SERINC5: variants seen among roughly 807,000 people sequenced by gnomAD.
The protein encoded by SERINC5 is serine incorporator 5.
In SERINC5, 41 loss-of-function variants were observed where a neutral mutation model predicts 63.1. That is an observed-to-expected ratio of 0.65 (90% CI 0.51 to 0.84). SERINC5 has a LOEUF of 0.84. Among genes scored for constraint, SERINC5 ranks in the 40% least tolerant of loss-of-function variants. The probability of loss-of-function intolerance (pLI) is 0.00; values close to 1 mark genes in which losing one functional copy is unlikely to be tolerated. For missense variants in SERINC5, 523 were observed against 573.0 expected (o/e 0.91, Z 0.89); for synonymous variants, 222 against 215.2 (o/e 1.03, Z -0.28).
intron 1 of SERINC5, among the ~76,000 whole-genome samples, chr5:80,241,801 A>C (rs1316350717): frequency 7.2e-5 from 11 of 152,196 alleles, no homozygotes; most frequent in African/African-American, 4.8e-5. Context: ...AATTACATTA[A>C]ATGTAAATGA....
chr5:80,230,543 G>A (rs1285474977), intron 1 of SERINC5, among the ~76,000 whole-genome samples: 1 of 145,612 alleles, frequency 6.9e-6, no homozygotes, highest in Non-Finnish European at 1.5e-5. Context: ...TTATAACCAT[G>A]TAAAACAAAT....
chr5:80,139,080 A>T lies in SERINC5; in HGVS notation c.*4583T>A, dbSNP rs930103700. The T allele has an allele frequency of 5.1e-6, 5 of 983,902 alleles. No individual in the cohort carries two copies. The African/African-American group carries it at 8.7e-5, about 17-fold the overall frequency. 60.9% of individuals were successfully genotyped at this position (983,902 alleles called of 1,614,324 possible). On this transcript the variant is annotated 3_prime_UTR_variant, in exon 12 of 12. Transcript: ENST00000507668. ...TTCGAATCATATCAGAGACCATTAT[A>T]AATTTCAAACAGTAGATTTACCACA...
At chr5:80,232,257 A>G (rs1257938965) in intron 1 of SERINC5, among the ~76,000 whole-genome samples, 2 of 150,854 alleles carry the variant, frequency 1.3e-5, no homozygotes, top group African/African-American at 4.9e-5. Context: ...ACAAAAAAAA[A>G]GCCGGGCGTG....
At chr5:80,119,018 C>G (rs903931374) in intron 11 of SERINC5, among the ~76,000 whole-genome samples, 3 of 152,116 alleles carry the variant, frequency 2.0e-5, no homozygotes, top group Non-Finnish European at 4.4e-5. Context: ...AGAACATGGA[C>G]TTTAGAAGTA....
chr5:80,253,196 A>G (rs1046178063), intron 1 of SERINC5, among the ~76,000 whole-genome samples: 2 of 152,120 alleles, frequency 1.3e-5, no homozygotes, highest in Non-Finnish European at 2.9e-5. Context: ...CCCAAAGCCA[A>G]TGATGTCCCA....
At chr5:80,145,934 T>TGGGAAGCAGAGGTTGCA (rs1561365621) in intron 11 of SERINC5, among the ~76,000 whole-genome samples, 156 bp downstream of exon 11, 1 of 152,138 alleles carries the variant, frequency 6.6e-6, no homozygotes, top group East Asian at 1.9e-4. Flanking sequence ...CGCTTGAACC[T>TGGGAAGCAGAGGTTGCA]GGGAAGCAGA....
intron 1 of SERINC5, among the ~76,000 whole-genome samples, chr5:80,251,828 C>T (rs955275869): frequency 1.4e-5 from 1 of 69,170 alleles, no homozygotes; most frequent in Non-Finnish European, 3.3e-5. Flanking sequence ...ACCAACCAGA[C>T]ATTAGCTGAG....
At chr5:80,162,475 G>T (rs964660271) in intron 7 of SERINC5, among the ~76,000 whole-genome samples, 9 of 152,148 alleles carry the variant, frequency 5.9e-5, no homozygotes, top group African/African-American at 2.2e-4. Context: ...CTGGGCTCAG[G>T]TGATCCTCCA....
chr5:80,136,239 C>T (rs191714144), downstream of SERINC5, among the ~76,000 whole-genome samples: 54 of 152,072 alleles, frequency 3.6e-4, no homozygotes, highest in African/African-American at 1.3e-3. Flanking sequence ...GCTACGATCA[C>T]ACCACTACAC....
At chr5:80,224,814 C>T (rs111849133) in intron 1 of SERINC5, among the ~76,000 whole-genome samples, 74,307 of 151,322 alleles carry the variant, frequency 0.49, 18,641 homozygotes, top group African/African-American at 0.6. Flanking sequence ...TTAGTAGAGA[C>T]GGGGTTTCAC....
In SERINC5 at chr5:80,150,900, G is replaced by A. The variant is rs377613955; in HGVS notation, c.1035C>T (p.Tyr345=). The A allele has an allele frequency of 7.0e-5, 113 of 1,612,392 alleles. No individual in the cohort carries two copies. The highest frequency in any genetic ancestry group is 8.4e-5 in the Non-Finnish European group (99 of 1,178,538). The change falls in exon 9 of 12, where the codon TAC becomes TAT. Residue 345 remains tyrosine (Y), a synonymous_variant. Transcript: ENST00000507668. ...AACTTACCTCCAATTCAGGAGCTGC[G>A]TATCGCCCCTGCAGAGCGTCAGAAC... ...RSSSDALQGR[Y]AAPELEIARC... is the part of the protein sequence containing the mutation.
chr5:80,190,453 G>A (rs956565390), intron 2 of SERINC5, among the ~76,000 whole-genome samples: 2 of 151,998 alleles, frequency 1.3e-5, no homozygotes, highest in Non-Finnish European at 2.9e-5. Flanking sequence ...TCTTCATTCC[G>A]TACTATATGT....
chr5:80,203,172 T>A, intron 1 of SERINC5, 119 bp from the exon 2 acceptor site: 1 of 987,856 alleles, frequency 1.0e-6, no homozygotes, highest in Non-Finnish European at 1.5e-6. Context: ...GGAGGATCAC[T>A]TGAGACTAGG....
intron 1 of SERINC5, among the ~76,000 whole-genome samples, chr5:80,228,579 G>A (rs555590756): frequency 6.6e-6 from 1 of 151,902 alleles, no homozygotes; most frequent in African/African-American, 2.4e-5. Flanking sequence ...CCTCAGCCTC[G>A]CAAGTACTTA....
intron 1 of SERINC5, among the ~76,000 whole-genome samples, chr5:80,205,094 GC>G (rs2112496727): frequency 6.6e-6 from 1 of 152,300 alleles, no homozygotes; most frequent in East Asian, 1.9e-4. Context: ...CCCAACACAT[GC>G]CCGTGTCTGC....
chr5:80,125,876 A>G (rs1200415446), intron 11 of SERINC5, among the ~76,000 whole-genome samples: 2 of 152,338 alleles, frequency 1.3e-5, no homozygotes, highest in Non-Finnish European at 1.5e-5. Context: ...TAGTTGAAAA[A>G]GAAAAGCAAG....
chr5:80,222,811 T>G (rs1384622048), intron 1 of SERINC5, among the ~76,000 whole-genome samples: 1 of 150,722 alleles, frequency 6.6e-6, no homozygotes, highest in African/African-American at 2.4e-5. Flanking sequence ...TGGCCTCAGG[T>G]GATCCACCCG....
At chr5:80,218,647 C>T (rs1750773500) in intron 1 of SERINC5, among the ~76,000 whole-genome samples, 1 of 151,438 alleles carries the variant, frequency 6.6e-6, no homozygotes, top group Non-Finnish European at 1.5e-5. Context: ...TGCACTCCAG[C>T]CTGGTGACAG....
intron 1 of SERINC5, among the ~76,000 whole-genome samples, chr5:80,250,933 C>T (rs1752381464): frequency 6.6e-6 from 1 of 150,582 alleles, no homozygotes. Flanking sequence ...GAGCTCAGCT[C>T]TTTCCCCTAC....
Sources: allele counts gnomAD v4.1 joint callset (sites outside exome capture counted in the v4.1 genomes callset), GRCh38; gene constraint gnomAD v4.1.1; transcripts MANE v1.5; gene names NCBI Gene and HGNC (gene_info 2026-07-23, HGNC 2026-07-21).